Variants in RTN1 observed in about 807,000 individuals in gnomAD.
The protein encoded by RTN1 is reticulon 1, also known as reticulon-1.
Under a neutral mutation model 65.5 loss-of-function variants are expected in RTN1, and 25 were observed. The observed-to-expected ratio is 0.38, with a 90% CI of 0.28 to 0.53. The LOEUF (loss-of-function observed/expected upper bound fraction) is 0.53. Among genes scored for constraint, RTN1 ranks in the 20% least tolerant of loss-of-function variants. The pLI is 0.79. For missense variants in RTN1, 983 were observed against 1,025.4 expected, an observed-to-expected ratio of 0.96 and a Z score of 0.57; for synonymous variants, 471 against 447.6, an observed-to-expected ratio of 1.05 and a Z score of -0.66.
chr14:59,753,620 T>C (rs1885575543), intron 1 of RTN1, among the ~76,000 whole-genome samples: 1 of 152,182 alleles, frequency 6.6e-6, no homozygotes. Flanking sequence ...AAAGTCCTCC[T>C]AGACAGTAAA....
chr14:59,826,686 A>T (rs1887036859), intron 1 of RTN1, among the ~76,000 whole-genome samples: 1 of 152,178 alleles, frequency 6.6e-6, no homozygotes, highest in South Asian at 2.1e-4. Flanking sequence ...TATGAAGAAA[A>T]TATAGTGTTT....
rs1887207352 is a variant in RTN1 at position 59,836,024 on chromosome 14, C to T, written c.241+34366G>A. Among the ~76,000 whole-genome samples, 1 of 152,122 alleles carries T rather than the reference C, an allele frequency of 6.6e-6. No homozygotes were observed. Among genetic ancestry groups the T allele is most frequent in the South Asian group, 2.1e-4 (1 of 4,820 alleles). ...TTTCCAGGTCCTTGGCTCTATTCTT[C>T]CCTCCCATCACTTCAATTCTGATTC... On this transcript the variant is annotated intron_variant, in intron 1 of 8. Transcript: ENST00000267484. This position sits in a 1 kb window ranked among gnomAD's most constrained non-coding sequence, Gnocchi z 4.9.
chr14:59,687,064 G>A (rs916552344), intron 3 of RTN1, among the ~76,000 whole-genome samples: 2 of 152,198 alleles, frequency 1.3e-5, no homozygotes, highest in African/African-American at 4.8e-5. Flanking sequence ...CAGGCCCGGG[G>A]TGGGAGGAGA....
intron 1 of RTN1, among the ~76,000 whole-genome samples, chr14:59,818,671 G>A (rs946523392): frequency 5.3e-5 from 8 of 152,152 alleles, no homozygotes; most frequent in Non-Finnish European, 1.0e-4. Context: ...ATTTCTTTGG[G>A]TATATACCCA....
chr14:59,749,252 ATATC>A lies in RTN1; in HGVS notation c.242-2775_242-2772del, dbSNP rs1396730813. Among the ~76,000 whole-genome samples the A allele has an allele frequency of 8.3e-4, 42 of 50,518 alleles. 9 individuals are homozygous for A. Among genetic ancestry groups the A allele is most frequent in the African/African-American group, 5.1e-3 (37 of 7,252 alleles). 33.1% of individuals were successfully genotyped at this position (50,518 alleles called of 152,430 possible). ...TCTATATATATCTATATATATCTAT[ATATC>A]TATATATATCTATATATATATCTAT... On this transcript the variant is annotated intron_variant, in intron 1 of 8. Coordinates refer to ENST00000267484, the MANE Select transcript of RTN1 (RefSeq NM_021136.3).
chr14:59,633,334 C>T (rs116064304), intron 3 of RTN1, among the ~76,000 whole-genome samples: 3,425 of 152,272 alleles, frequency 0.022, 45 homozygotes, highest in Middle Eastern at 0.058. Flanking sequence ...AACTTATTCA[C>T]GGAAAACTAG....
intron 1 of RTN1, among the ~76,000 whole-genome samples, chr14:59,775,628 T>C (rs1886037111): frequency 6.6e-6 from 1 of 152,152 alleles, no homozygotes; most frequent in Admixed American, 6.5e-5. Context: ...ATGAGAAAAT[T>C]GAGGCATAGT....
intron 3 of RTN1, among the ~76,000 whole-genome samples, chr14:59,627,718 T>C (rs1449180263): frequency 6.6e-6 from 1 of 152,222 alleles, no homozygotes; most frequent in Non-Finnish European, 1.5e-5. Flanking sequence ...GCTGAAATTA[T>C]ATATGTTGAT....
chr14:59,731,196 T>C (rs895092017), intron 2 of RTN1, among the ~76,000 whole-genome samples: 1 of 152,244 alleles, frequency 6.6e-6, no homozygotes, highest in Non-Finnish European at 1.5e-5. Context: ...GAAGTACTGA[T>C]ATGTGTTACA....
At chr14:59,828,817 C>T (rs1244920462) in intron 1 of RTN1, among the ~76,000 whole-genome samples, 8 of 152,150 alleles carry the variant, frequency 5.3e-5, no homozygotes, top group Admixed American at 3.9e-4. Context: ...GAATGAAAAT[C>T]TTAACTCAAA....
chr14:59,703,230 G>A (rs776547182), intron 3 of RTN1, among the ~76,000 whole-genome samples: 3 of 152,094 alleles, frequency 2.0e-5, no homozygotes, highest in Non-Finnish European at 2.9e-5. Flanking sequence ...TATCGTTTGG[G>A]TATTTGTCAC....
chr14:59,796,270 G>A lies in RTN1; in HGVS notation c.242-49789C>T, dbSNP rs145891211. ...ATGTCATATAGCCTAGGTATGTAGC[G>A]AACTATACCATCTAGGTTTGGGTAA... On this transcript the variant is annotated intron_variant, in intron 1 of 8. Transcript: ENST00000267484. Among the ~76,000 whole-genome samples the A allele has an allele frequency of 2.2e-3, 337 of 152,184 alleles. 1 individual carries two copies. The highest frequency in any genetic ancestry group is 3.5e-3 in the Non-Finnish European group (237 of 67,992).
chr14:59,821,019 A>C (rs894658994), intron 1 of RTN1, among the ~76,000 whole-genome samples: 4 of 152,196 alleles, frequency 2.6e-5, no homozygotes, highest in Non-Finnish European at 1.5e-5. Context: ...AGTGAATTTC[A>C]GAACAGTTTT....
intron 3 of RTN1, among the ~76,000 whole-genome samples, chr14:59,644,357 T>C (rs542635966): frequency 2.6e-5 from 4 of 151,898 alleles, no homozygotes; most frequent in African/African-American, 9.7e-5. Flanking sequence ...GGTGAGTGAG[T>C]GAGTGACCCT....
intron 1 of RTN1, among the ~76,000 whole-genome samples, chr14:59,788,430 C>T (rs1782000822): frequency 6.6e-6 from 1 of 152,160 alleles, no homozygotes; most frequent in Non-Finnish European, 1.5e-5. Context: ...CAAAAAGCAG[C>T]ATCTCATTGT....
At chr14:59,821,544 T>A (rs1216676004) in intron 1 of RTN1, among the ~76,000 whole-genome samples, 2 of 152,168 alleles carry the variant, frequency 1.3e-5, no homozygotes, top group African/African-American at 4.8e-5. Context: ...GGACTTCCAA[T>A]AGTATGTTGA....
rs1887869618 is a variant in RTN1 at position 59,870,172 on chromosome 14, C to T, written c.241+218G>A. The stretch of plus-strand genomic sequence containing the variant: ...AATCATGATAATGAAATAAAAGGAT[C>T]AAAAGCATCTTGACTTTTTCTGAGC... On this transcript the variant is annotated intron_variant, in intron 1 of 8. Coordinates refer to ENST00000267484, the MANE Select transcript of RTN1 (RefSeq NM_021136.3). The surrounding 1 kb of genome is among the most constrained non-coding windows in gnomAD (Gnocchi z 5.1). Among the ~76,000 whole-genome samples the T allele has an allele frequency of 6.6e-6, 1 of 152,230 alleles. No homozygotes were observed. The highest frequency in any genetic ancestry group is 1.9e-4 in the East Asian group (1 of 5,186).
chr14:59,733,624 C>A (rs912025291), intron 2 of RTN1, among the ~76,000 whole-genome samples: 1 of 152,200 alleles, frequency 6.6e-6, no homozygotes, highest in Non-Finnish European at 1.5e-5. Flanking sequence ...CACAACACAG[C>A]TATTTTGTTG....
At position 59,698,003 on chromosome 14, in the gene RTN1, T is replaced by C. The variant is rs531076176; in HGVS notation, c.1765+28916A>G. 1.3e-3 allele frequency among the ~76,000 whole-genome samples: 193 copies of C among 152,204 alleles called. 1 individual carries two copies. The highest frequency in any genetic ancestry group is 1.9e-3 in the Non-Finnish European group (131 of 68,004). On this transcript the variant is annotated intron_variant, in intron 3 of 8. Coordinates refer to ENST00000267484, the MANE Select transcript of RTN1 (RefSeq NM_021136.3). ...AGCACTCTGTGATGATAAACAACAA[T>C]GGTAATGTAGTGTCTGGAAAAGTGA...
Sources: allele counts gnomAD v4.1 joint callset (sites outside exome capture counted in the v4.1 genomes callset), GRCh38; gene constraint gnomAD v4.1.1; non-coding constraint Gnocchi (gnomAD v3.1); transcripts MANE v1.5; gene names NCBI Gene and HGNC (gene_info 2026-07-23, HGNC 2026-07-21).